Variants in JCAD observed in about 807,000 individuals in gnomAD.
JCAD encodes junctional cadherin 5 associated.
In JCAD, 40 loss-of-function variants were observed where a neutral mutation model predicts 98.0. That is an observed-to-expected ratio of 0.41 (90% CI 0.32 to 0.53). JCAD has a LOEUF of 0.53. Among genes scored for constraint, JCAD ranks in the 20% least tolerant of loss-of-function variants. The pLI, the probability that JCAD is intolerant of heterozygous loss-of-function variation, is 0.31. For missense variants in JCAD, 1,705 were observed against 1,738.1 expected, an observed-to-expected ratio of 0.98 and a Z score of 0.34; for synonymous variants, 691 against 682.3, an observed-to-expected ratio of 1.01 and a Z score of -0.20.
rs764586097 is a variant in JCAD at position 30,027,625 on chromosome 10, C to G, written c.2523G>C (p.Glu841Asp). Residue 841 changes from glutamate to aspartate, a missense_variant, in exon 3 of 4, where the codon GAG becomes GAC. By Grantham distance (45) the Glu-to-Asp change is conservative (BLOSUM62 2). Transcript: ENST00000375377. ...TGCTGCTTTCTTCCTCTTCCTGGAG[C>G]TCCTTGTTAAAACTTTCTAACTGAC... ...LISQLESFNK[E>D]LQEEEESSSS... 3.1e-6 allele frequency: 5 copies of G among 1,614,248 alleles called. No homozygotes were observed. The highest frequency in any genetic ancestry group is 3.3e-4 in the Middle Eastern group (2 of 6,062).
chr10:30,036,181 C>T (rs955960510), intron 2 of JCAD, among the ~76,000 whole-genome samples: 2 of 152,188 alleles, frequency 1.3e-5, no homozygotes, highest in Non-Finnish European at 2.9e-5. Context: ...CAGTGGCTCA[C>T]GCCTATAATC....
At chr10:30,081,599 T>C (rs1451044672) in intron 1 of JCAD, among the ~76,000 whole-genome samples, 1 of 152,082 alleles carries the variant, frequency 6.6e-6, no homozygotes, top group Non-Finnish European at 1.5e-5. Flanking sequence ...GCCTGGCTAA[T>C]TTTTGTATTT....
In JCAD at chr10:30,015,711, A is replaced by G. The variant is rs1836517897; in HGVS notation, c.*2172T>C. On this transcript the variant is annotated 3_prime_UTR_variant, in exon 4 of 4. Transcript: ENST00000375377. Reference sequence around the variant, plus strand: ...TATTTTGATTCAAAGAGGTATTTAGATGGTATCAACAAAATTTCAGAGGAA... The same window carrying G: ...TATTTTGATTCAAAGAGGTATTTAGGTGGTATCAACAAAATTTCAGAGGAA... 6.6e-6 allele frequency: 1 copy of G among 152,228 alleles called. No homozygotes were observed. The highest frequency in any genetic ancestry group is 2.4e-5 in the African/African-American group (1 of 41,464). 9.4% of individuals were successfully genotyped at this position (152,228 alleles called of 1,614,324 possible). A position where few individuals can be genotyped will look rare whatever the true frequency, so the allele number is the denominator to read the frequency against.
At chr10:30,034,770 C>T (rs117170962) in intron 2 of JCAD, among the ~76,000 whole-genome samples, 3,970 of 152,218 alleles carry the variant, frequency 0.026, 74 homozygotes, top group Non-Finnish European at 0.034. Flanking sequence ...TCTATAGGCT[C>T]CCAGACTCTA....
chr10:30,104,259 T>C (rs1187971006), intron 1 of JCAD, among the ~76,000 whole-genome samples: 2 of 152,118 alleles, frequency 1.3e-5, no homozygotes, highest in Non-Finnish European at 2.9e-5. Context: ...TTGGATTTGA[T>C]TCAGTAGCAG....
intron 2 of JCAD, 33 bp downstream of exon 2, chr10:30,047,499 A>C: frequency 6.3e-7 from 1 of 1,587,048 alleles, no homozygotes; most frequent in Non-Finnish European, 8.6e-7. Context: ...CTCCTGAGTC[A>C]AAAGAAAACG....
chr10:30,020,186 G>C (rs572765992), intron 3 of JCAD, among the ~76,000 whole-genome samples: 5 of 151,906 alleles, frequency 3.3e-5, no homozygotes, highest in African/African-American at 9.7e-5. Flanking sequence ...AATTAGCCAG[G>C]TGTGGTGGTA....
At chr10:30,094,887 C>G (rs558009854) in intron 1 of JCAD, among the ~76,000 whole-genome samples, 3 of 152,312 alleles carry the variant, frequency 2.0e-5, no homozygotes, top group Admixed American at 2.0e-4. Context: ...TCCTCCTACA[C>G]TCTCTCTGAA....
intron 2 of JCAD, 144 bp from the exon 3 acceptor site, chr10:30,030,010 C>T (rs1301085281): frequency 2.0e-6 from 2 of 979,706 alleles, no homozygotes; most frequent in African/African-American, 1.6e-5. Flanking sequence ...TGAAAGAAAA[C>T]ATATCCCATT....
chr10:30,043,533 G>A (rs1402524234), intron 2 of JCAD, among the ~76,000 whole-genome samples: 1 of 152,128 alleles, frequency 6.6e-6, no homozygotes, highest in East Asian at 1.9e-4. Context: ...GAAGAGCAGT[G>A]TTATGTGCAT....
intron 2 of JCAD, chr10:30,069,635 C>T (rs1302260139): frequency 7.7e-6 from 1 of 130,194 alleles, no homozygotes. Flanking sequence ...TGTATTAATT[C>T]TTTAATATAT....
intron 3 of JCAD, among the ~76,000 whole-genome samples, chr10:30,018,414 G>A (rs1836583897): frequency 6.6e-6 from 1 of 151,856 alleles, no homozygotes; most frequent in Non-Finnish European, 1.5e-5. Context: ...CTGCTTGGCT[G>A]GCAGAGAGAG....
chr10:30,034,043 T>C (rs1368985429), intron 2 of JCAD, among the ~76,000 whole-genome samples: 1 of 151,750 alleles, frequency 6.6e-6, no homozygotes, highest in East Asian at 1.9e-4. Context: ...GCCAACACAG[T>C]GAAACCCTGT....
intron 1 of JCAD, among the ~76,000 whole-genome samples, chr10:30,079,264 G>A (rs966059188): frequency 1.3e-5 from 2 of 149,960 alleles, no homozygotes; most frequent in South Asian, 2.1e-4. Context: ...AGAGAATGGC[G>A]TGAATCCGGG....
intron 1 of JCAD, among the ~76,000 whole-genome samples, chr10:30,110,363 G>C (rs1424509495): frequency 1.3e-5 from 2 of 151,640 alleles, no homozygotes; most frequent in Non-Finnish European, 2.9e-5. Flanking sequence ...TGATATATGA[G>C]CCAGCTGATG....
At chr10:30,095,426 C>T (rs528673937) in intron 1 of JCAD, among the ~76,000 whole-genome samples, 1 of 152,174 alleles carries the variant, frequency 6.6e-6, no homozygotes, top group Non-Finnish European at 1.5e-5. Context: ...CAACAATGGG[C>T]ACCAGTGTCC....
chr10:30,115,210 C>G (rs1268091093), intron 1 of JCAD, among the ~76,000 whole-genome samples: 2 of 152,168 alleles, frequency 1.3e-5, no homozygotes, highest in Non-Finnish European at 2.9e-5. Context: ...CCAGGAGATC[C>G]TTGTTTTATC....
In JCAD at chr10:30,028,346, T is replaced by C; in HGVS notation, c.1802A>G (p.Asn601Ser). The C allele has an allele frequency of 6.2e-7, 1 of 1,614,226 alleles. No individual in the cohort carries two copies. ...SHLPDRDMDN[N>S]DLKPSADQKN... is the part of the protein sequence containing the mutation. ...TTGATCAGCACTGGGCTTTAAGTCA[T>C]TGTTGTCCATATCTCTATCTGGCAG... The change falls in exon 3 of 4, where the codon AAT becomes AGT. Residue 601 changes from asparagine (N) to serine (S), a missense_variant. Physicochemically the swap from Asn to Ser is conservative, Grantham distance 46. This residue lies in a region of JCAD where 1,278 missense variants were observed against 1,243.1 expected (regional missense o/e 1.03). Coordinates refer to ENST00000375377, the MANE Select transcript of JCAD (RefSeq NM_020848.4).
chr10:30,051,256 A>G (rs1589694783), intron 1 of JCAD, among the ~76,000 whole-genome samples: 1 of 140,400 alleles, frequency 7.1e-6, no homozygotes. Context: ...CTCACACACC[A>G]CACGCACACA....
Sources: gnomAD v4.1 joint callset for allele counts (sites outside exome capture counted in the v4.1 genomes callset) on GRCh38, gnomAD v4.1.1 for gene constraint, gnomAD v4.1.1 regional missense constraint, MANE v1.5 for transcripts, NCBI Gene and HGNC (gene_info 2026-07-23, HGNC 2026-07-21) for gene names.